DMD: variants seen among roughly 807,000 people sequenced by gnomAD.
DMD encodes dystrophin.
A neutral mutation model predicts 330.1 loss-of-function variants in DMD; 63 were observed. That is an observed-to-expected ratio of 0.19 (90% CI 0.16 to 0.24). The LOEUF is 0.24. DMD is among the 10% of genes least tolerant of loss of function. The pLI, the probability that DMD is intolerant of heterozygous loss-of-function variation, is 1.00. For synonymous variants in DMD, 1,223 were observed against 959.8 expected (o/e 1.27, Z -5.07); for missense variants, 3,344 against 2,684.1 (o/e 1.25, Z -5.43).
At chrX:32,532,416 A>G (rs1046629230) in intron 17 of DMD, among the ~76,000 whole-genome samples, 1 of 111,991 alleles carries the variant, frequency 8.9e-6, no homozygotes, top group African/African-American at 3.2e-5. Context: ...ACTTATTACA[A>G]CATAGCAAGG....
intron 1 of DMD, among the ~76,000 whole-genome samples, chrX:33,221,340 G>C (rs1406021142): frequency 9.0e-6 from 1 of 111,187 alleles, no homozygotes; most frequent in Admixed American, 9.6e-5. Flanking sequence ...GTCTCAGAGA[G>C]GTACCTAATA....
At chrX:31,833,274 G>C (rs2093097157) in intron 49 of DMD, among the ~76,000 whole-genome samples, 3 of 37,080 alleles carry the variant, frequency 8.1e-5, no homozygotes, top group Non-Finnish European at 1.3e-4. Context: ...GAGGAAGGGG[G>C]AGAGAGAGAG....
chrX:31,702,740 A>AT (rs1463213115), intron 52 of DMD, among the ~76,000 whole-genome samples: 1 of 109,814 alleles, frequency 9.1e-6, no homozygotes, highest in East Asian at 2.9e-4. Flanking sequence ...AAGTATTGGC[A>AT]TTTTTTTTAA....
At chrX:31,138,537 GAGGAGGCCTC>G (rs1392125180) in intron 76 of DMD, among the ~76,000 whole-genome samples, 2 of 108,873 alleles carry the variant, frequency 1.8e-5, no homozygotes, top group Admixed American at 9.9e-5. Context: ...CCAGATGCGT[GAGGAGGCCTC>G]AGGAGGCCTC....
intron 55 of DMD, among the ~76,000 whole-genome samples, chrX:31,595,405 A>G (rs1271002380): frequency 9.0e-6 from 1 of 111,037 alleles, no homozygotes; most frequent in Non-Finnish European, 1.9e-5. Flanking sequence ...TTCCATCCTA[A>G]CAAGTACCAA....
chrX:33,251,514 A>T (rs1327366931), intron 1 of DMD, among the ~76,000 whole-genome samples: 2 of 111,793 alleles, frequency 1.8e-5, no homozygotes, highest in African/African-American at 6.5e-5. Context: ...TGAAATTGAG[A>T]TGCCTAAACC....
intron 44 of DMD, among the ~76,000 whole-genome samples, chrX:32,152,413 A>G (rs1280430334): frequency 1.8e-5 from 2 of 111,569 alleles, no homozygotes; most frequent in Non-Finnish European, 3.8e-5. Flanking sequence ...ATAGTGTTGG[A>G]CAGTTCCTAA....
chrX:32,487,265 A>C (rs907055091), intron 20 of DMD, among the ~76,000 whole-genome samples: 1 of 112,172 alleles, frequency 8.9e-6, no homozygotes, highest in African/African-American at 3.2e-5. Flanking sequence ...TATTTAATAC[A>C]TATATAATTT....
At chrX:32,204,147 T>A (rs1479192217) in intron 44 of DMD, among the ~76,000 whole-genome samples, 1 of 111,899 alleles carries the variant, frequency 8.9e-6, no homozygotes, top group Non-Finnish European at 1.9e-5. Context: ...GAGCAGTGAC[T>A]TAATGTTTTT....
At chrX:31,849,436 G>A (rs951855020) in intron 48 of DMD, among the ~76,000 whole-genome samples, 8 of 110,795 alleles carry the variant, frequency 7.2e-5, no homozygotes, top group African/African-American at 2.6e-4. Flanking sequence ...AGGACAGAAA[G>A]GCTGGGAGCA....
At chrX:32,197,350 G>A (rs2097010940) in intron 44 of DMD, among the ~76,000 whole-genome samples, 1 of 111,367 alleles carries the variant, frequency 9.0e-6, no homozygotes, top group African/African-American at 3.3e-5. Flanking sequence ...ATTTTTAAAT[G>A]TACAAGTAAC....
At chrX:31,679,626 T>C (rs763416528) in intron 52 of DMD, 40 bp from the exon 53 acceptor site, 11 of 1,081,013 alleles carry the variant, frequency 1.0e-5, no homozygotes, top group African/African-American at 1.8e-5. Flanking sequence ...TAGTAAATGC[T>C]AGTCTGGAGG....
chrX:31,895,102 C>G (rs1025976783), intron 47 of DMD, among the ~76,000 whole-genome samples: 1 of 111,186 alleles, frequency 9.0e-6, no homozygotes, highest in African/African-American at 3.3e-5. Context: ...ATTCAATTAC[C>G]AAGTGATGAA....
intron 2 of DMD, among the ~76,000 whole-genome samples, chrX:32,895,844 CGTGTGTGTGTGTGTGTGTGT>C (rs5902042): frequency 0.079 from 7,851 of 99,706 alleles, 369 homozygotes; most frequent in South Asian, 0.26. Flanking sequence ...TTGGAATGAA[CGTGTGTGTGTGTGTGTGTGT>C]GTGTGTGTGT....
At chrX:31,778,144 G>T (rs1225314685) in intron 50 of DMD, among the ~76,000 whole-genome samples, 1 of 112,618 alleles carries the variant, frequency 8.9e-6, no homozygotes, top group African/African-American at 3.2e-5. Flanking sequence ...ACCAGAATAA[G>T]AAGTGTGTAA....
intron 9 of DMD, among the ~76,000 whole-genome samples, chrX:32,652,119 G>T (rs769366136): frequency 9.0e-6 from 1 of 111,096 alleles, no homozygotes; most frequent in African/African-American, 3.3e-5. Flanking sequence ...TAAACAAAAG[G>T]TTCTAGAGCC....
At chrX:31,593,788 GA>G (rs986105541) in intron 55 of DMD, among the ~76,000 whole-genome samples, 5 of 109,049 alleles carry the variant, frequency 4.6e-5, no homozygotes, top group African/African-American at 1.0e-4. Context: ...TTGTTAAAGT[GA>G]AAAAAATAAA....
chrX:32,754,002 C>A (rs958894707), intron 7 of DMD, among the ~76,000 whole-genome samples: 1 of 110,824 alleles, frequency 9.0e-6, no homozygotes, highest in Non-Finnish European at 1.9e-5. Flanking sequence ...ATTTTGACCC[C>A]CCACCCAGAT....
chrX:32,553,568 GT>G (rs2049831534), intron 16 of DMD, among the ~76,000 whole-genome samples: 1 of 109,981 alleles, frequency 9.1e-6, no homozygotes. Flanking sequence ...AAAAATAAAA[GT>G]AAAAAATAAT....
Sources: allele counts gnomAD v4.1 joint callset (sites outside exome capture counted in the v4.1 genomes callset), GRCh38; gene constraint gnomAD v4.1.1; transcripts MANE v1.5; gene names NCBI Gene and HGNC (gene_info 2026-07-23, HGNC 2026-07-21).